Variants in KCNH7 observed in about 807,000 individuals in gnomAD.
The protein encoded by KCNH7 is voltage-gated inwardly rectifying potassium channel KCNH7.
In KCNH7, 49 loss-of-function variants were observed where a neutral mutation model predicts 120.8. The ratio of observed to expected loss-of-function variants is 0.41; its 90% CI spans 0.32 to 0.51. The LOEUF is 0.51. KCNH7 is among the 20% of genes least tolerant of loss of function. The pLI is 0.38. For synonymous variants in KCNH7, 547 were observed against 516.1 expected (o/e 1.06, Z -0.81); for missense variants, 1,097 against 1,446.6 (o/e 0.76, Z 3.92).
At chr2:162,435,066 C>A in intron 8 of KCNH7, 132 bp downstream of exon 8, 1 of 790,330 alleles carries the variant, frequency 1.3e-6, no homozygotes, top group Non-Finnish European at 2.0e-6. Flanking sequence ...GAATACAGTA[C>A]CCATATATGT....
intron 13 of KCNH7, among the ~76,000 whole-genome samples, chr2:162,382,065 T>A (rs939085204): frequency 5.9e-5 from 9 of 152,192 alleles, no homozygotes; most frequent in Admixed American, 4.6e-4. Context: ...CATGTTATGC[T>A]CACACATTTT....
intron 2 of KCNH7, among the ~76,000 whole-genome samples, chr2:162,817,180 C>T (rs1027159661): frequency 6.6e-6 from 1 of 152,092 alleles, no homozygotes; most frequent in Non-Finnish European, 1.5e-5. Flanking sequence ...GTAGAATATG[C>T]CTTCATTCCC....
chr2:162,736,884 T>A (rs995782222), intron 2 of KCNH7, among the ~76,000 whole-genome samples: 1 of 151,986 alleles, frequency 6.6e-6, no homozygotes, highest in African/African-American at 2.4e-5. Flanking sequence ...AAAAATAACT[T>A]TTTTTTTCCT....
chr2:162,599,072 A>G (rs1037239897), intron 2 of KCNH7, among the ~76,000 whole-genome samples: 7 of 152,034 alleles, frequency 4.6e-5, no homozygotes, highest in African/African-American at 1.7e-4. Context: ...CCTGGCCAAC[A>G]TGGTGAAACC....
intron 2 of KCNH7, among the ~76,000 whole-genome samples, chr2:162,741,674 T>C (rs1250257351): frequency 6.6e-6 from 1 of 152,148 alleles, no homozygotes; most frequent in Non-Finnish European, 1.5e-5. Context: ...TTAAGAAATA[T>C]GAATAACTAG....
intron 2 of KCNH7, among the ~76,000 whole-genome samples, chr2:162,692,494 G>A (rs12615170): frequency 0.16 from 24,327 of 152,056 alleles, 2,294 homozygotes; most frequent in East Asian, 0.46. Flanking sequence ...AAGTGTGTGA[G>A]TACTTCAGTA....
intron 6 of KCNH7, among the ~76,000 whole-genome samples, chr2:162,487,739 C>T (rs1690149923): frequency 6.6e-6 from 1 of 152,116 alleles, no homozygotes; most frequent in Admixed American, 6.5e-5. Flanking sequence ...CACAATCTCA[C>T]ACCCAGATAA....
intron 2 of KCNH7, among the ~76,000 whole-genome samples, chr2:162,783,338 T>C (rs557950544): frequency 3.3e-4 from 51 of 152,272 alleles, no homozygotes; most frequent in African/African-American, 1.2e-3. Flanking sequence ...TCCCCCTGCT[T>C]GGACCTGCCT....
intron 2 of KCNH7, among the ~76,000 whole-genome samples, chr2:162,715,888 T>C (rs186065509): frequency 6.6e-6 from 1 of 152,034 alleles, no homozygotes; most frequent in Non-Finnish European, 1.5e-5. Context: ...ATGTATAGAT[T>C]AATTTGGGTT....
chr2:162,816,223 C>T (rs1334904864), intron 2 of KCNH7, among the ~76,000 whole-genome samples: 1 of 127,138 alleles, frequency 7.9e-6, no homozygotes, highest in African/African-American at 3.0e-5. Context: ...TGCCATTGCA[C>T]TCCAGCCTGG....
intron 2 of KCNH7, among the ~76,000 whole-genome samples, chr2:162,581,757 G>A (rs1479573600): frequency 6.6e-6 from 1 of 152,008 alleles, no homozygotes; most frequent in Non-Finnish European, 1.5e-5. Flanking sequence ...GATATCAAAT[G>A]CCAGGAGTAA....
chr2:162,837,029 G>T (rs1685688199), intron 1 of KCNH7, among the ~76,000 whole-genome samples: 5 of 152,144 alleles, frequency 3.3e-5, no homozygotes, highest in Admixed American at 3.3e-4. Flanking sequence ...AAATAGACTA[G>T]TTCTCAAGCC....
chr2:162,813,717 G>C (rs866681048), intron 2 of KCNH7, among the ~76,000 whole-genome samples: 1 of 152,070 alleles, frequency 6.6e-6, no homozygotes, highest in African/African-American at 2.4e-5. Context: ...AAATATCACA[G>C]AAATATTTAA....
chr2:162,381,031 T>C (rs1686400275), intron 13 of KCNH7, among the ~76,000 whole-genome samples: 1 of 152,118 alleles, frequency 6.6e-6, no homozygotes, highest in Non-Finnish European at 1.5e-5. Context: ...CTAAGAATAA[T>C]TAACAGGTTG....
At chr2:162,457,698 G>A (rs1161604239) in intron 6 of KCNH7, among the ~76,000 whole-genome samples, 1 of 152,180 alleles carries the variant, frequency 6.6e-6, no homozygotes, top group Non-Finnish European at 1.5e-5. Flanking sequence ...ACGCCATGAT[G>A]AGGTGTTGGT....
intron 6 of KCNH7, among the ~76,000 whole-genome samples, chr2:162,449,062 GA>G (rs1250543554): frequency 6.6e-6 from 1 of 151,982 alleles, no homozygotes; most frequent in East Asian, 1.9e-4. Flanking sequence ...GGGACAGAAT[GA>G]ACAAGGGTAA....
At chr2:162,644,994 AT>A (rs1684301645) in intron 2 of KCNH7, among the ~76,000 whole-genome samples, 1 of 152,096 alleles carries the variant, frequency 6.6e-6, no homozygotes, top group African/African-American at 2.4e-5. Context: ...AATCATTACC[AT>A]TTTGCCTACT....
At chr2:162,465,868 A>T (rs1689289939) in intron 6 of KCNH7, among the ~76,000 whole-genome samples, 2 of 152,298 alleles carry the variant, frequency 1.3e-5, no homozygotes, top group South Asian at 4.1e-4. Flanking sequence ...CAGATGATAG[A>T]CTGCCCACCA....
At chr2:162,567,412 G>T (rs185479252) in intron 2 of KCNH7, among the ~76,000 whole-genome samples, 25 of 151,958 alleles carry the variant, frequency 1.6e-4, no homozygotes, top group African/African-American at 6.0e-4. Flanking sequence ...TGAGAATAGC[G>T]GATGTTACCA....
Sources: gnomAD v4.1 joint callset for allele counts (sites outside exome capture counted in the v4.1 genomes callset) on GRCh38, gnomAD v4.1.1 for gene constraint, MANE v1.5 for transcripts, NCBI Gene and HGNC (gene_info 2026-07-23, HGNC 2026-07-21) for gene names.